The following LRRC4C variants were observed in gnomAD, a reference collection of about 807,000 sequenced individuals.
The protein encoded by LRRC4C is leucine-rich repeat-containing protein 4C.
LRRC4C carries 5 observed loss-of-function variants against 33.6 expected under a neutral mutation model. The ratio of observed to expected loss-of-function variants is 0.15; its 90% CI spans 0.08 to 0.31. LRRC4C has a LOEUF of 0.31. LRRC4C is among the 10% of genes least tolerant of loss of function. The probability of loss-of-function intolerance (pLI) is 1.00; values close to 1 mark genes in which losing one functional copy is unlikely to be tolerated. For missense variants in LRRC4C, 560 were observed against 796.7 expected (o/e 0.70, Z 3.58); for synonymous variants, 329 against 302.0 (o/e 1.09, Z -0.93).
chr11:40,980,721 T>C (rs1852457391), intron 1 of LRRC4C, among the ~76,000 whole-genome samples: 2 of 152,228 alleles, frequency 1.3e-5, no homozygotes, highest in South Asian at 2.1e-4. Flanking sequence ...GTTTGTGATA[T>C]ATCTCTATCA....
chr11:40,133,087 A>G (rs970278716), intron 6 of LRRC4C, among the ~76,000 whole-genome samples: 18 of 152,186 alleles, frequency 1.2e-4, no homozygotes, highest in African/African-American at 4.3e-4. Flanking sequence ...TAAGTTGGTA[A>G]TGCGGTTAAT....
At chr11:40,545,788 A>C (rs2135413096) in intron 3 of LRRC4C, among the ~76,000 whole-genome samples, 1 of 152,120 alleles carries the variant, frequency 6.6e-6, no homozygotes, top group Admixed American at 6.6e-5. Context: ...CTTGGTCAAC[A>C]AAATTATGTC....
chr11:40,132,341 A>C (rs2134830348), intron 6 of LRRC4C, among the ~76,000 whole-genome samples: 1 of 152,334 alleles, frequency 6.6e-6, no homozygotes, highest in African/African-American at 2.4e-5. Context: ...CTTGGGAGGT[A>C]GTCTACCCTG....
intron 4 of LRRC4C, among the ~76,000 whole-genome samples, chr11:40,272,358 T>C (rs985821425): frequency 1.3e-5 from 2 of 152,110 alleles, no homozygotes; most frequent in African/African-American, 4.8e-5. Context: ...CAAACCTTCC[T>C]TGATTGCCCA....
chr11:41,405,097 A>G (rs565816690), intron 1 of LRRC4C, among the ~76,000 whole-genome samples: 1 of 152,250 alleles, frequency 6.6e-6, no homozygotes, highest in African/African-American at 2.4e-5. Flanking sequence ...AAATCATATG[A>G]TTAGAGCTTT....
chr11:41,110,272 T>C (rs544798759), intron 1 of LRRC4C, among the ~76,000 whole-genome samples: 1 of 152,140 alleles, frequency 6.6e-6, no homozygotes, highest in South Asian at 2.1e-4. Flanking sequence ...CATGTGGCTA[T>C]TGAGATGATT....
At chr11:40,805,685 C>T (rs1951215541) in intron 2 of LRRC4C, among the ~76,000 whole-genome samples, 1 of 152,068 alleles carries the variant, frequency 6.6e-6, no homozygotes, top group African/African-American at 2.4e-5. Flanking sequence ...TTGTTCTTCA[C>T]TTTCTTATAT....
At chr11:40,757,599 G>T (rs1441075324) in intron 2 of LRRC4C, among the ~76,000 whole-genome samples, 1 of 142,808 alleles carries the variant, frequency 7.0e-6, no homozygotes. Flanking sequence ...CAAACTTTGA[G>T]TTTTTTTTTT....
chr11:40,487,227 C>T (rs571660714), intron 3 of LRRC4C, among the ~76,000 whole-genome samples: 95 of 152,120 alleles, frequency 6.2e-4, no homozygotes, highest in African/African-American at 2.2e-3. Context: ...AAAATAAAAT[C>T]TGTTTAAGTC....
intron 1 of LRRC4C, among the ~76,000 whole-genome samples, chr11:41,074,619 AG>A (rs1328479043): frequency 1.3e-5 from 2 of 152,206 alleles, no homozygotes; most frequent in Non-Finnish European, 2.9e-5. Flanking sequence ...CAAAATAATC[AG>A]TACTTAGAGT....
chr11:40,800,822 A>G (rs1951011434), intron 2 of LRRC4C, among the ~76,000 whole-genome samples: 1 of 152,186 alleles, frequency 6.6e-6, no homozygotes, highest in Non-Finnish European at 1.5e-5. Flanking sequence ...GTCCTATTGA[A>G]TATAATACAA....
intron 3 of LRRC4C, among the ~76,000 whole-genome samples, chr11:40,592,032 C>T (rs1959081606): frequency 6.6e-6 from 1 of 152,234 alleles, no homozygotes; most frequent in South Asian, 2.1e-4. Flanking sequence ...AATCACTATT[C>T]ACTCAAATAG....
intron 2 of LRRC4C, among the ~76,000 whole-genome samples, chr11:40,749,736 C>G (rs779289570): frequency 3.8e-4 from 57 of 150,126 alleles, no homozygotes; most frequent in Non-Finnish European, 6.7e-4. Context: ...GCTAAAGTAA[C>G]CACAAAGAGA....
At chr11:40,418,788 G>C (rs1436704442) in intron 3 of LRRC4C, among the ~76,000 whole-genome samples, 1 of 152,160 alleles carries the variant, frequency 6.6e-6, no homozygotes, top group African/African-American at 2.4e-5. Flanking sequence ...CCATAAAAAG[G>C]AGTGAGATCA....
chr11:40,316,024 T>C (rs371975063), intron 4 of LRRC4C, among the ~76,000 whole-genome samples: 31 of 152,128 alleles, frequency 2.0e-4, no homozygotes, highest in South Asian at 1.5e-3. Context: ...AAGATCTCTA[T>C]GAATTAGATC....
chr11:41,230,107 A>G (rs1591002867), intron 1 of LRRC4C, among the ~76,000 whole-genome samples: 1 of 152,104 alleles, frequency 6.6e-6, no homozygotes, highest in South Asian at 2.1e-4. Flanking sequence ...ACAATGAAAT[A>G]TTGGTATTTT....
intron 1 of LRRC4C, among the ~76,000 whole-genome samples, chr11:41,080,732 CAG>C (rs1443780806): frequency 6.6e-6 from 1 of 152,140 alleles, no homozygotes; most frequent in African/African-American, 2.4e-5. Context: ...AAGGCTAAAA[CAG>C]AAACTACTTG....
chr11:41,186,431 AAT>A (rs200065087), intron 1 of LRRC4C, among the ~76,000 whole-genome samples: 1,526 of 152,350 alleles, frequency 0.01, 9 homozygotes, highest in Non-Finnish European at 0.014. Context: ...TCTAAAAGTT[AAT>A]ATAAATACAT....
chr11:41,164,919 G>T (rs921179695), intron 1 of LRRC4C, among the ~76,000 whole-genome samples: 2 of 152,100 alleles, frequency 1.3e-5, no homozygotes, highest in East Asian at 3.9e-4. Flanking sequence ...GCTCTGGAAT[G>T]TGTCTAGACT....
Sources: allele counts gnomAD v4.1 joint callset (sites outside exome capture counted in the v4.1 genomes callset), GRCh38; gene constraint gnomAD v4.1.1; transcripts MANE v1.5; gene names NCBI Gene and HGNC (gene_info 2026-07-23, HGNC 2026-07-21).